Variants in IL1RAPL2 observed in about 807,000 individuals in gnomAD.
IL1RAPL2 encodes interleukin 1 receptor accessory protein like 2.
A neutral mutation model predicts 44.1 loss-of-function variants in IL1RAPL2; 3 were observed. The observed-to-expected ratio is 0.07, with a 90% CI of 0.03 to 0.18. IL1RAPL2 has a LOEUF of 0.18. IL1RAPL2 is among the 10% of genes least tolerant of loss of function. The pLI is 1.00. For missense variants in IL1RAPL2, 391 were observed against 496.4 expected (o/e 0.79, Z 2.02); for synonymous variants, 181 against 178.8 (o/e 1.01, Z -0.10).
At chrX:105,209,393 C>A (rs1462257642) in intron 3 of IL1RAPL2, among the ~76,000 whole-genome samples, 1 of 111,926 alleles carries the variant, frequency 8.9e-6, no homozygotes, top group Non-Finnish European at 1.9e-5. Context: ...TGGTTTTTGC[C>A]TTTCACCACT....
chrX:105,122,925 C>T (rs1415253425), intron 2 of IL1RAPL2, among the ~76,000 whole-genome samples: 3 of 111,140 alleles, frequency 2.7e-5, no homozygotes, highest in African/African-American at 9.8e-5. Context: ...CATTAATTAG[C>T]CTTGCATCTG....
intron 1 of IL1RAPL2, among the ~76,000 whole-genome samples, chrX:104,587,546 C>T (rs1007853466): frequency 3.6e-5 from 4 of 112,084 alleles, no homozygotes; most frequent in Non-Finnish European, 5.6e-5. Context: ...ATAGAGGAAT[C>T]GCATGAGCAC....
chrX:104,723,568 T>A (rs1196376966), intron 2 of IL1RAPL2, among the ~76,000 whole-genome samples: 1 of 109,809 alleles, frequency 9.1e-6, no homozygotes, highest in East Asian at 2.9e-4. Context: ...GAATTACAGA[T>A]CCCTAAGGAG....
intron 5 of IL1RAPL2, among the ~76,000 whole-genome samples, chrX:105,447,094 TATATATATATATAA>T (rs1303057998): frequency 0.031 from 1,857 of 60,140 alleles, 225 homozygotes; most frequent in African/African-American, 0.15. Context: ...TATATATATA[TATATATATATATAA>T]AAATATATAT....
At chrX:105,420,552 A>T (rs1364375735) in intron 5 of IL1RAPL2, among the ~76,000 whole-genome samples, 1 of 111,824 alleles carries the variant, frequency 8.9e-6, no homozygotes, top group Non-Finnish European at 1.9e-5. Flanking sequence ...ATTCTGTCTC[A>T]GGGCCTAAGG....
chrX:105,587,163 G>A (rs1163099698), intron 6 of IL1RAPL2, among the ~76,000 whole-genome samples: 1 of 111,889 alleles, frequency 8.9e-6, no homozygotes, highest in East Asian at 2.8e-4. Context: ...ATGGACAATA[G>A]TAGTAGTCCT....
intron 5 of IL1RAPL2, among the ~76,000 whole-genome samples, chrX:105,353,755 A>G (rs1391736589): frequency 9.0e-6 from 1 of 111,329 alleles, no homozygotes; most frequent in African/African-American, 3.3e-5. Flanking sequence ...GTGTATAAGA[A>G]TGCTTGTGAT....
At position 105,767,380 on chromosome X, in the gene IL1RAPL2, G is replaced by A. The variant is rs752058980; in HGVS notation, c.1780G>A (p.Ala594Thr). 27 of 1,210,037 alleles carry A rather than the reference G, an allele frequency of 2.2e-5. No individual in the cohort carries two copies. The African/African-American group carries it at 4.7e-4, about 21-fold the overall frequency. Residue 594 changes from alanine (A) to threonine (T), a missense_variant, in exon 11 of 11, where the codon GCC becomes ACC. Coordinates refer to ENST00000372582, the MANE Select transcript of IL1RAPL2 (RefSeq NM_017416.2). ...IPSIAMTSTS[A>T]TLVSSQADLP... ...CTCTATTGCCATGACCAGTACTTCA[G>A]CCACTCTGGTGTCATCTCAGGCTGA...
intron 2 of IL1RAPL2, among the ~76,000 whole-genome samples, chrX:104,844,642 A>G (rs1037159291): frequency 4.5e-5 from 5 of 111,888 alleles, no homozygotes; most frequent in African/African-American, 1.6e-4. Context: ...ACACAAAAAC[A>G]TCTCATAATG....
intron 10 of IL1RAPL2, among the ~76,000 whole-genome samples, chrX:105,762,709 C>T (rs2038697564): frequency 9.0e-6 from 1 of 111,320 alleles, no homozygotes; most frequent in Non-Finnish European, 1.9e-5. Context: ...TACATCAAAC[C>T]ACAGCTTGCA....
chrX:104,687,286 G>A (rs765448467), intron 2 of IL1RAPL2, among the ~76,000 whole-genome samples: 9 of 112,253 alleles, frequency 8.0e-5, no homozygotes, highest in Middle Eastern at 9.2e-3. Context: ...TGCTTCTGGT[G>A]AGGACATCAG....
chrX:104,691,022 C>A (rs1283967663), intron 2 of IL1RAPL2, among the ~76,000 whole-genome samples: 1 of 111,497 alleles, frequency 9.0e-6, no homozygotes, highest in African/African-American at 3.3e-5. Flanking sequence ...ATTTAAAAGT[C>A]TAGAGAGCAA....
chrX:105,609,878 T>G (rs1368715639), intron 6 of IL1RAPL2, among the ~76,000 whole-genome samples: 2 of 112,030 alleles, frequency 1.8e-5, no homozygotes, highest in Non-Finnish European at 3.8e-5. Flanking sequence ...GGGGATCTGA[T>G]TAAGCTAATT....
intron 3 of IL1RAPL2, among the ~76,000 whole-genome samples, chrX:105,223,478 A>G (rs1186666319): frequency 1.8e-5 from 2 of 111,717 alleles, no homozygotes; most frequent in African/African-American, 3.3e-5. Flanking sequence ...TATCTCTTTT[A>G]TTCCCTCTAT....
At chrX:104,875,788 C>T (rs1215944789) in intron 2 of IL1RAPL2, among the ~76,000 whole-genome samples, 1 of 111,835 alleles carries the variant, frequency 8.9e-6, no homozygotes, top group Non-Finnish European at 1.9e-5. Context: ...TTCTTCTTTC[C>T]TTGCTTTATT....
chrX:105,362,218 A>G (rs2147712037), intron 5 of IL1RAPL2, among the ~76,000 whole-genome samples: 1 of 111,169 alleles, frequency 9.0e-6, no homozygotes, highest in East Asian at 2.8e-4. Context: ...CTGCTGTAGG[A>G]TTTTCATCAT....
At chrX:105,550,502 T>A (rs924924166) in intron 6 of IL1RAPL2, among the ~76,000 whole-genome samples, 4 of 111,936 alleles carry the variant, frequency 3.6e-5, no homozygotes, top group Non-Finnish European at 5.6e-5. Context: ...AGCTTTAATA[T>A]TATTTACAGC....
chrX:104,704,555 C>A (rs1931333638), intron 2 of IL1RAPL2, among the ~76,000 whole-genome samples: 1 of 111,283 alleles, frequency 9.0e-6, no homozygotes, highest in African/African-American at 3.3e-5. Context: ...CTAAGGAAAT[C>A]CAGAGTGCAG....
chrX:104,905,585 C>G (rs1245159312), intron 2 of IL1RAPL2, among the ~76,000 whole-genome samples: 60 of 111,534 alleles, frequency 5.4e-4, no homozygotes, highest in African/African-American at 1.9e-3. Context: ...GCTTGTTTTT[C>G]TCAGGTTTGT....
Sources: allele counts gnomAD v4.1 joint callset (sites outside exome capture counted in the v4.1 genomes callset), GRCh38; gene constraint gnomAD v4.1.1; transcripts MANE v1.5; gene names NCBI Gene and HGNC (gene_info 2026-07-23, HGNC 2026-07-21).